The following STAG1 variants were observed in gnomAD, a reference collection of about 807,000 sequenced individuals.
The protein encoded by STAG1 is STAG1 cohesin complex component, also known as cohesin subunit SA-1.
A neutral mutation model predicts 170.9 loss-of-function variants in STAG1; 26 were observed. The observed-to-expected ratio is 0.15, with a 90% CI of 0.11 to 0.21. The LOEUF (loss-of-function observed/expected upper bound fraction) is 0.21, where lower values mean the gene tolerates loss of function less well. Among genes scored for constraint, STAG1 ranks in the 10% least tolerant of loss-of-function variants. The probability of loss-of-function intolerance (pLI) is 1.00; values close to 1 mark genes in which losing one functional copy is unlikely to be tolerated. For missense variants in STAG1, 964 were observed against 1,509.5 expected (o/e 0.64, Z 5.99); for synonymous variants, 514 against 497.7 (o/e 1.03, Z -0.44).
chr3:136,714,958 TATATA>T (rs1943489695), intron 1 of STAG1, among the ~76,000 whole-genome samples: 2 of 69,808 alleles, frequency 2.9e-5, no homozygotes, highest in African/African-American at 4.0e-5. Context: ...TATATATATA[TATATA>T]TTTTATATAT....
At chr3:136,442,248 T>C (rs1390941750) in intron 15 of STAG1, among the ~76,000 whole-genome samples, 2 of 152,244 alleles carry the variant, frequency 1.3e-5, no homozygotes, top group Non-Finnish European at 2.9e-5. Flanking sequence ...TTCAATCTAC[T>C]GTGGGCCTCA....
chr3:136,469,638 A>C (rs1163458875), intron 12 of STAG1, among the ~76,000 whole-genome samples: 1 of 152,246 alleles, frequency 6.6e-6, no homozygotes, highest in Non-Finnish European at 1.5e-5. Flanking sequence ...AAACTACATT[A>C]AAGTTCATAT....
intron 1 of STAG1, chr3:136,721,490 G>C (rs962529297): frequency 1.3e-5 from 2 of 152,140 alleles, no homozygotes; most frequent in East Asian, 3.9e-4. Context: ...CTGCCAAAGT[G>C]AGCACTCTTT....
chr3:136,655,211 G>A (rs1941335876), intron 1 of STAG1, among the ~76,000 whole-genome samples: 1 of 152,114 alleles, frequency 6.6e-6, no homozygotes, highest in African/African-American at 2.4e-5. Flanking sequence ...CCACAGAACA[G>A]GAGAAAACCT....
intron 1 of STAG1, among the ~76,000 whole-genome samples, chr3:136,633,962 T>TTAAAAAAAA (rs1212800689): frequency 2.0e-5 from 1 of 50,346 alleles, no homozygotes; most frequent in African/African-American, 5.1e-5. Flanking sequence ...TGTCTCTACT[T>TTAAAAAAAA]AAAAAAAAAA....
intron 1 of STAG1, among the ~76,000 whole-genome samples, chr3:136,744,673 C>CTTTTT (rs34241550): frequency 6.8e-5 from 8 of 117,470 alleles, no homozygotes; most frequent in Non-Finnish European, 8.6e-5. Flanking sequence ...CTGCAACCAT[C>CTTTTT]TTTTTTTTTT....
chr3:136,389,978 C>T (rs1346834624), intron 22 of STAG1, among the ~76,000 whole-genome samples: 1 of 151,802 alleles, frequency 6.6e-6, no homozygotes, highest in African/African-American at 2.4e-5. Flanking sequence ...ACTACAGGTG[C>T]CCGCCACCAC....
intron 22 of STAG1, among the ~76,000 whole-genome samples, chr3:136,389,059 G>T (rs1208116926): frequency 6.6e-6 from 1 of 151,834 alleles, no homozygotes; most frequent in Non-Finnish European, 1.5e-5. Context: ...GCCTCCCAAA[G>T]TGTCTAAATA....
At chr3:136,554,414 C>T (rs1312392540) in intron 5 of STAG1, among the ~76,000 whole-genome samples, 2 of 152,088 alleles carry the variant, frequency 1.3e-5, no homozygotes, top group Non-Finnish European at 2.9e-5. Context: ...AATGGACATA[C>T]TACACCTAAA....
intron 21 of STAG1, among the ~76,000 whole-genome samples, chr3:136,402,342 T>C (rs1006817258): frequency 6.6e-6 from 1 of 151,722 alleles, no homozygotes; most frequent in African/African-American, 2.4e-5. Context: ...TTCAGCCACC[T>C]GAGTAGCTGG....
intron 28 of STAG1, among the ~76,000 whole-genome samples, chr3:136,357,271 A>C (rs1936696587): frequency 2.0e-5 from 3 of 152,140 alleles, no homozygotes; most frequent in African/African-American, 7.2e-5. Flanking sequence ...GTTTGGTTTT[A>C]AATAAAACTT....
At chr3:136,474,653 T>C (rs2089701165) in intron 10 of STAG1, among the ~76,000 whole-genome samples, 1 of 152,222 alleles carries the variant, frequency 6.6e-6, no homozygotes, top group Non-Finnish European at 1.5e-5. Flanking sequence ...TACAGTAGCA[T>C]ACATACCATG....
At chr3:136,597,856 C>T (rs1266313695) in intron 4 of STAG1, among the ~76,000 whole-genome samples, 1 of 151,162 alleles carries the variant, frequency 6.6e-6, no homozygotes, top group African/African-American at 2.4e-5. Context: ...TGCTTATATC[C>T]TGGGAATACA....
chr3:136,365,872 G>T (rs1321950782), intron 25 of STAG1, among the ~76,000 whole-genome samples: 1 of 151,622 alleles, frequency 6.6e-6, no homozygotes, highest in Non-Finnish European at 1.5e-5. Context: ...GGATTAAGTA[G>T]AGAAAAATGA....
At chr3:136,476,891 C>G (rs540494173) in intron 10 of STAG1, among the ~76,000 whole-genome samples, 8 of 149,794 alleles carry the variant, frequency 5.3e-5, no homozygotes, top group African/African-American at 1.5e-4. Flanking sequence ...TCCAACAAAT[C>G]TATTCAAGTC....
At chr3:136,464,635 C>A (rs2089399869) in intron 13 of STAG1, among the ~76,000 whole-genome samples, 1 of 152,046 alleles carries the variant, frequency 6.6e-6, no homozygotes, top group Non-Finnish European at 1.5e-5. Context: ...CTCCAATCTC[C>A]ACTCACATCT....
At chr3:136,358,333 C>T (rs1002545908) in intron 27 of STAG1, among the ~76,000 whole-genome samples, 13 of 152,246 alleles carry the variant, frequency 8.5e-5, no homozygotes, top group African/African-American at 2.6e-4. Flanking sequence ...AATTGGCCTC[C>T]TTTGGCCTCC....
Position 136,503,545 on chromosome 3 carries a change from A to G in STAG1, c.677-766T>C, listed in dbSNP as rs79649381. ...TAGTGAGAATATGGGAAATACAGGT[A>G]AAGGAACAAGACAGTTTGAGCTGGT... is the stretch of plus-strand genomic sequence containing the variant. On this transcript the variant is annotated intron_variant, in intron 7 of 33. Transcript: ENST00000383202. Among the ~76,000 whole-genome samples the G allele has an allele frequency of 7.5e-3, 1,145 of 152,270 alleles. 18 individuals carry two copies. Among genetic ancestry groups the G allele is most frequent in the African/African-American group, 0.026 (1,092 of 41,562 alleles).
chr3:136,597,371 C>T (rs1393760267), intron 4 of STAG1, among the ~76,000 whole-genome samples: 1 of 152,162 alleles, frequency 6.6e-6, no homozygotes, highest in African/African-American at 2.4e-5. Flanking sequence ...GAAAACTCTT[C>T]TTGATATTAC....
Sources: allele counts gnomAD v4.1 joint callset (sites outside exome capture counted in the v4.1 genomes callset), GRCh38; gene constraint gnomAD v4.1.1; transcripts MANE v1.5; gene names NCBI Gene and HGNC (gene_info 2026-07-23, HGNC 2026-07-21).